SORCS3: variants seen among roughly 807,000 people sequenced by gnomAD.
SORCS3 encodes the protein VPS10 domain-containing receptor SorCS3.
A neutral mutation model predicts 146.3 loss-of-function variants in SORCS3; 57 were observed. The observed-to-expected ratio is 0.39, with a 90% CI of 0.31 to 0.49. The LOEUF is 0.49. Ranked by LOEUF, SORCS3 falls within the 20% of genes least tolerant of loss-of-function variation. SORCS3 has a pLI of 0.92. For missense variants in SORCS3, 1,341 were observed against 1,575.5 expected (o/e 0.85, Z 2.52); for synonymous variants, 653 against 618.5 (o/e 1.06, Z -0.83).
At chr10:105,247,179 C>A in intron 21 of SORCS3, 40 bp from the exon 22 acceptor site, 1 of 1,209,562 alleles carries the variant, frequency 8.3e-7, no homozygotes, top group Non-Finnish European at 1.2e-6. Context: ...TCTCTCTTCT[C>A]ACTCTCCCAG....
chr10:104,819,737 G>A (rs984371387), intron 1 of SORCS3, among the ~76,000 whole-genome samples: 2 of 152,160 alleles, frequency 1.3e-5, no homozygotes, highest in African/African-American at 4.8e-5. Flanking sequence ...AAGAAAACTA[G>A]GGCCTGACAT....
At chr10:104,923,867 T>C (rs975536831) in intron 3 of SORCS3, among the ~76,000 whole-genome samples, 1 of 152,226 alleles carries the variant, frequency 6.6e-6, no homozygotes, top group African/African-American at 2.4e-5. Context: ...CAAGTGTCTA[T>C]GATAATAATG....
At chr10:105,038,942 A>G (rs2055322123) in intron 4 of SORCS3, among the ~76,000 whole-genome samples, 2 of 152,172 alleles carry the variant, frequency 1.3e-5, no homozygotes, top group South Asian at 2.1e-4. Context: ...TAGAGGACAA[A>G]AAGAAGAACA....
At chr10:104,716,135 G>A (rs1006406536) in intron 1 of SORCS3, among the ~76,000 whole-genome samples, 1 of 152,048 alleles carries the variant, frequency 6.6e-6, no homozygotes, top group African/African-American at 2.4e-5. Flanking sequence ...GCATTTCCCA[G>A]TCCCCCTTCC....
intron 2 of SORCS3, among the ~76,000 whole-genome samples, chr10:104,901,966 T>C (rs2133590712): frequency 6.6e-6 from 1 of 152,250 alleles, no homozygotes; most frequent in Non-Finnish European, 1.5e-5. Context: ...AGATCTGCAT[T>C]TTGGAAGGAG....
intron 1 of SORCS3, among the ~76,000 whole-genome samples, chr10:104,760,635 T>C (rs1382019822): frequency 2.0e-5 from 3 of 152,150 alleles, no homozygotes; most frequent in Non-Finnish European, 4.4e-5. Flanking sequence ...TCCTAGCAAA[T>C]TTAGAGCAAG....
intron 5 of SORCS3, among the ~76,000 whole-genome samples, chr10:105,045,021 G>GAAAAAAAAAAAAAAAAAAAAA (rs35904016): frequency 1.7e-5 from 2 of 118,010 alleles, no homozygotes; most frequent in African/African-American, 3.4e-5. Context: ...TCCAGAATTC[G>GAAAAAAAAAAAAAAAAAAAAA]AAAAAAAAAA....
At chr10:104,947,646 G>A (rs549676224) in intron 3 of SORCS3, among the ~76,000 whole-genome samples, 2 of 152,266 alleles carry the variant, frequency 1.3e-5, no homozygotes, top group South Asian at 4.2e-4. Flanking sequence ...GTTTTGAGAT[G>A]CAGTCTTTCT....
intron 4 of SORCS3, among the ~76,000 whole-genome samples, chr10:105,004,478 C>T (rs1414947446): frequency 6.6e-6 from 1 of 152,048 alleles, no homozygotes; most frequent in Non-Finnish European, 1.5e-5. Flanking sequence ...TAGGGGGTAC[C>T]GAACAGCTGA....
intron 14 of SORCS3, among the ~76,000 whole-genome samples, chr10:105,196,640 A>G (rs1164493708): frequency 6.6e-6 from 1 of 152,158 alleles, no homozygotes; most frequent in South Asian, 2.1e-4. Context: ...CTCACATTTT[A>G]TAAACTTCCA....
At chr10:105,256,303 G>T (rs1456788092) in intron 24 of SORCS3, among the ~76,000 whole-genome samples, 2 of 152,122 alleles carry the variant, frequency 1.3e-5, no homozygotes, top group Non-Finnish European at 2.9e-5. Context: ...GTCCCATTGG[G>T]CATCTACTTT....
At chr10:104,721,959 T>C (rs1414864939) in intron 1 of SORCS3, among the ~76,000 whole-genome samples, 1 of 152,204 alleles carries the variant, frequency 6.6e-6, no homozygotes, top group Non-Finnish European at 1.5e-5. Context: ...CCTAATTGAA[T>C]ACCCTTTATT....
chr10:104,840,101 G>A (rs1470002243), intron 1 of SORCS3, among the ~76,000 whole-genome samples: 3 of 152,178 alleles, frequency 2.0e-5, no homozygotes, highest in Non-Finnish European at 4.4e-5. Flanking sequence ...GGCTTGGCAA[G>A]AGGTAGCAAT....
rs1317647642 is a variant in SORCS3 at position 105,251,207 on chromosome 10, A to G, written c.3106-1568A>G. 2.6e-5 allele frequency among the ~76,000 whole-genome samples: 4 copies of G among 152,288 alleles called. No individual in the cohort carries two copies. The East Asian group carries it at 7.7e-4, about 29-fold the overall frequency. ...AAACTTAACAATCATGGCGGAAGGC[A>G]CCCCTTCACAGGGTGACAGGAAAGA... On this transcript the variant is annotated intron_variant, in intron 22 of 26. Transcript: ENST00000369701.
At chr10:104,758,683 G>A (rs1016159012) in intron 1 of SORCS3, among the ~76,000 whole-genome samples, 3 of 152,146 alleles carry the variant, frequency 2.0e-5, no homozygotes, top group Admixed American at 6.6e-5. Context: ...GGGTCATTGA[G>A]GTTATTAGGT....
At chr10:104,720,267 A>G (rs546760272) in intron 1 of SORCS3, among the ~76,000 whole-genome samples, 1 of 152,164 alleles carries the variant, frequency 6.6e-6, no homozygotes, top group East Asian at 1.9e-4. Flanking sequence ...GAGAATGATG[A>G]TTTCCAGCTT....
chr10:104,958,763 TCA>T (rs1183669534), intron 3 of SORCS3, among the ~76,000 whole-genome samples: 1 of 152,158 alleles, frequency 6.6e-6, no homozygotes, highest in African/African-American at 2.4e-5. Context: ...TTTAACTGAC[TCA>T]CAGTTCCACA....
chr10:105,089,916 A>G (rs2055690301), intron 6 of SORCS3, 77 bp downstream of exon 6: 2 of 1,150,930 alleles, frequency 1.7e-6, no homozygotes, highest in South Asian at 2.5e-5. Flanking sequence ...TTGCATTTTA[A>G]TATCTTGGGA....
intron 20 of SORCS3, among the ~76,000 whole-genome samples, chr10:105,234,934 G>T (rs1185396610): frequency 6.6e-6 from 1 of 151,900 alleles, no homozygotes; most frequent in East Asian, 1.9e-4. Flanking sequence ...TTCACAGCTG[G>T]ACATGATATA....
Sources: gnomAD v4.1 joint callset for allele counts (sites outside exome capture counted in the v4.1 genomes callset) on GRCh38, gnomAD v4.1.1 for gene constraint, MANE v1.5 for transcripts, NCBI Gene and HGNC (gene_info 2026-07-23, HGNC 2026-07-21) for gene names.